Variants in CC2D2B observed in about 807,000 individuals in gnomAD.
CC2D2B encodes protein CC2D2B.
Under a neutral mutation model 161.2 loss-of-function variants are expected in CC2D2B, and 128 were observed. The ratio of observed to expected loss-of-function variants is 0.79; its 90% confidence interval spans 0.69 to 0.92. CC2D2B has a LOEUF of 0.92. CC2D2B is among the 40% of genes least tolerant of loss of function. The probability of loss-of-function intolerance (pLI) is 0.00; values close to 1 mark genes in which losing one functional copy is unlikely to be tolerated. For synonymous variants in CC2D2B, 391 were observed against 449.8 expected, an observed-to-expected ratio of 0.87 and a Z score of 1.65; for missense variants, 1,173 against 1,375.1, an observed-to-expected ratio of 0.85 and a Z score of 2.32.
rs2077234088 is a variant in CC2D2B, at chr10:95,974,079, T to C, written c.1866T>C (p.Tyr622=). The change falls in exon 17 of 35, where the codon TAT becomes TAC. Residue 622 remains tyrosine (Y), a synonymous_variant. Coordinates refer to ENST00000646931, the MANE Select transcript of CC2D2B (RefSeq NM_001349008.3). Reference sequence around the variant, plus strand: ...TTTTGACATCAGGAAAACTTAGCTATTCTCTATCATGGAGCTTAGATGAAA... The same window carrying C: ...TTTTGACATCAGGAAAACTTAGCTACTCTCTATCATGGAGCTTAGATGAAA... ...LCLLTSGKLS[Y]SLSWSLDENG... The C allele has an allele frequency of 1.6e-6, 2 of 1,229,858 alleles. No individual in the cohort carries two copies. The highest frequency in any genetic ancestry group is 8.4e-5 in the Admixed American group (2 of 23,688). The allele number at this position is 1,229,858 out of a possible 1,614,324, so 76.2% of individuals were successfully genotyped here. A position where few individuals can be genotyped will look rare whatever the true frequency, so the allele number is the denominator to read the frequency against.
intron 12 of CC2D2B, among the ~76,000 whole-genome samples, chr10:95,964,797 T>C (rs995088783): frequency 1.6e-4 from 25 of 152,258 alleles, no homozygotes; most frequent in Non-Finnish European, 3.5e-4. Context: ...TCTTGAGATA[T>C]AATTCACATA....
chr10:95,961,519 T>G (rs2076761166), intron 11 of CC2D2B: 1 of 163,740 alleles, frequency 6.1e-6, no homozygotes, highest in African/African-American at 2.4e-5. Context: ...AGAGCGAGAC[T>G]CTCTCAAAAA....
At chr10:95,992,188 C>T (rs1397003540) in intron 21 of CC2D2B, among the ~76,000 whole-genome samples, 2 of 152,090 alleles carry the variant, frequency 1.3e-5, no homozygotes, top group South Asian at 2.1e-4. Context: ...TGTTAATATT[C>T]GGGCACTTTC....
intron 15 of CC2D2B, among the ~76,000 whole-genome samples, chr10:95,971,435 A>G (rs1280717279): frequency 6.6e-6 from 1 of 151,894 alleles, no homozygotes; most frequent in Non-Finnish European, 1.5e-5. Flanking sequence ...ATGGCAGTAA[A>G]CTTATATGGA....
At chr10:96,029,286 G>GTA (rs58363071) in intron 34 of CC2D2B, among the ~76,000 whole-genome samples, 791 of 70,446 alleles carry the variant, frequency 0.011, 5 homozygotes, top group Non-Finnish European at 0.019. Flanking sequence ...ATATATATAT[G>GTA]TATATATATA....
Position 96,025,192 on chromosome 10 carries a change from A to AATATAT in CC2D2B, c.3947+305_3947+310dup, listed in dbSNP as rs10524712. ...ATATATATATATATATATAAAAAAAAATATATATATATATATATATATATA... is the reference window on the plus strand; with the variant it reads ...ATATATATATATATATATAAAAAAAAATATATATATATATATATATATATATATATA... On this transcript the variant is annotated intron_variant, in intron 33 of 34. Transcript: ENST00000646931. Among the ~76,000 whole-genome samples, 133 of 49,168 alleles carry AATATAT rather than the reference A, an allele frequency of 2.7e-3. 8 individuals carry two copies. The highest frequency in any genetic ancestry group is 0.01 in the East Asian group (16 of 1,554). The allele number at this position is 49,168 out of a possible 152,430, so 32.3% of individuals were successfully genotyped here. A position where few individuals can be genotyped will look rare whatever the true frequency, so the allele number is the denominator to read the frequency against.
At chr10:95,963,312 T>C (rs2076830942) in intron 12 of CC2D2B, among the ~76,000 whole-genome samples, 1 of 152,168 alleles carries the variant, frequency 6.6e-6, no homozygotes, top group Non-Finnish European at 1.5e-5. Flanking sequence ...TACCTGGTCC[T>C]TGTGAGCCCT....
chr10:95,934,067 G>T (rs1353406865), intron 6 of CC2D2B, among the ~76,000 whole-genome samples: 1 of 152,178 alleles, frequency 6.6e-6, no homozygotes, highest in Non-Finnish European at 1.5e-5. Flanking sequence ...TTCTTTCAGA[G>T]ATGCCCTGGC....
At chr10:95,944,693 C>A (rs1339750771) in intron 9 of CC2D2B, among the ~76,000 whole-genome samples, 1 of 152,152 alleles carries the variant, frequency 6.6e-6, no homozygotes, top group Non-Finnish European at 1.5e-5. Flanking sequence ...TTCAGGTTAA[C>A]CTTTGTAATA....
At chr10:96,001,731 T>C (rs2078508051) in intron 24 of CC2D2B, among the ~76,000 whole-genome samples, 1 of 152,236 alleles carries the variant, frequency 6.6e-6, no homozygotes, top group Non-Finnish European at 1.5e-5. Flanking sequence ...CTTCTGCTAT[T>C]AGCAGAAATC....
At chr10:95,999,331 C>A (rs1271054657) in intron 24 of CC2D2B, among the ~76,000 whole-genome samples, 2 of 152,042 alleles carry the variant, frequency 1.3e-5, no homozygotes, top group East Asian at 3.8e-4. Context: ...GCATAATATT[C>A]TATTATATGG....
chr10:95,961,253 C>G (rs2076749014), intron 11 of CC2D2B, among the ~76,000 whole-genome samples: 1 of 152,152 alleles, frequency 6.6e-6, no homozygotes, highest in Non-Finnish European at 1.5e-5. Flanking sequence ...TCTGGCAGGG[C>G]TCAGTGGCTT....
At chr10:96,005,802 C>A (rs759375259) in intron 25 of CC2D2B, among the ~76,000 whole-genome samples, 21 of 152,140 alleles carry the variant, frequency 1.4e-4, no homozygotes, top group Admixed American at 5.9e-4. Context: ...CTTAGATTAA[C>A]TGAAACTCTA....
chr10:95,943,139 C>T (rs756597957), intron 9 of CC2D2B, among the ~76,000 whole-genome samples: 15 of 152,154 alleles, frequency 9.9e-5, no homozygotes, highest in Admixed American at 5.9e-4. Context: ...CCTGCAGCTC[C>T]TTCGGTCCTT....
In CC2D2B at chr10:95,938,940, T is replaced by A. The variant is rs565141124; in HGVS notation, c.801+15T>A. ...TATACAGGAAGGTAACCAACAACAA[T>A]TTATTTGTAATTATGGTTAAAATTC... On this transcript the variant is annotated intron_variant, in intron 9 of 34. Transcript: ENST00000646931. 1 of 666,818 alleles carries A rather than the reference T, an allele frequency of 1.5e-6. No individual in the cohort carries two copies. Among genetic ancestry groups the A allele is most frequent in the Admixed American group, 2.7e-5 (1 of 36,578 alleles). The allele number at this position is 666,818 out of a possible 1,614,324, so 41.3% of individuals were successfully genotyped here.
At chr10:96,016,433 T>C in intron 30 of CC2D2B, 119 bp downstream of exon 30, 1 of 692,732 alleles carries the variant, frequency 1.4e-6, no homozygotes, top group Non-Finnish European at 2.6e-6. Flanking sequence ...TGGAATTTCA[T>C]GGGCAAGCAA....
chr10:95,980,866 G>A (rs2077491935), intron 17 of CC2D2B, among the ~76,000 whole-genome samples: 1 of 152,060 alleles, frequency 6.6e-6, no homozygotes, highest in Admixed American at 6.5e-5. Flanking sequence ...GAACCTTTCT[G>A]GACTACTTTA....
intron 24 of CC2D2B, among the ~76,000 whole-genome samples, chr10:95,999,154 A>T (rs1026508719): frequency 2.0e-5 from 3 of 152,240 alleles, no homozygotes; most frequent in Non-Finnish European, 4.4e-5. Context: ...AAATATCTAG[A>T]AACTGTGTCT....
At position 95,960,588 on chromosome 10, in the gene CC2D2B, C is replaced by T. The variant is rs2076728169; in HGVS notation, c.1110-1241C>T. 2.0e-5 allele frequency among the ~76,000 whole-genome samples: 3 copies of T among 152,262 alleles called. No individual in the cohort carries two copies. In the South Asian group the frequency reaches 6.2e-4, roughly 32 times the overall value. ...AGCTCAGTGGCACAATCACGGCTCACTGCAGTCTCAACCTTCTAGTCTCAA... is the reference window on the plus strand; with the variant it reads ...AGCTCAGTGGCACAATCACGGCTCATTGCAGTCTCAACCTTCTAGTCTCAA... On this transcript the variant is annotated intron_variant, in intron 11 of 34. Coordinates refer to ENST00000646931, the MANE Select transcript of CC2D2B (RefSeq NM_001349008.3).
Sources: allele counts gnomAD v4.1 joint callset (sites outside exome capture counted in the v4.1 genomes callset), GRCh38; gene constraint gnomAD v4.1.1; transcripts MANE v1.5; gene names NCBI Gene and HGNC (gene_info 2026-07-23, HGNC 2026-07-21).